RAD51B: variants seen among roughly 807,000 people sequenced by gnomAD.
RAD51B encodes the protein RAD51 paralog B.
Under a neutral mutation model 42.2 loss-of-function variants are expected in RAD51B, and 38 were observed. That is an observed-to-expected ratio of 0.90 (90% CI 0.70 to 1.18). The LOEUF (loss-of-function observed/expected upper bound fraction) is 1.18, where lower values mean the gene tolerates loss of function less well. Ranked by LOEUF, RAD51B falls within the 50% of genes most tolerant of loss-of-function variation. The probability of loss-of-function intolerance (pLI) is 0.00; values close to 1 mark genes in which losing one functional copy is unlikely to be tolerated. For missense variants in RAD51B, 373 were observed against 400.7 expected (o/e 0.93, Z 0.59); for synonymous variants, 154 against 145.2 (o/e 1.06, Z -0.43).
At chr14:68,564,760 T>G (rs1278283359) in intron 10 of RAD51B, among the ~76,000 whole-genome samples, 1 of 152,188 alleles carries the variant, frequency 6.6e-6, no homozygotes, top group Non-Finnish European at 1.5e-5. Flanking sequence ...ATGGAAAACC[T>G]TGAGAGTGAG....
At chr14:67,904,839 G>A (rs982252305) in intron 7 of RAD51B, among the ~76,000 whole-genome samples, 1 of 151,232 alleles carries the variant, frequency 6.6e-6, no homozygotes, top group African/African-American at 2.4e-5. Flanking sequence ...TACATAGTTT[G>A]CAAATATTTT....
At chr14:68,398,299 C>T (rs2083986147) in intron 8 of RAD51B, among the ~76,000 whole-genome samples, 1 of 152,234 alleles carries the variant, frequency 6.6e-6, no homozygotes, top group Non-Finnish European at 1.5e-5. Context: ...ATCAGATGCA[C>T]TTAGGCACTC....
chr14:68,322,497 GC>G (rs1174852102), intron 8 of RAD51B, among the ~76,000 whole-genome samples: 2 of 152,286 alleles, frequency 1.3e-5, no homozygotes, highest in East Asian at 3.9e-4. Context: ...TATTTAAAAA[GC>G]CTTTCTCTCA....
At chr14:68,306,549 A>G in intron 8 of RAD51B, 1 of 462,816 alleles carries the variant, frequency 2.2e-6, no homozygotes, top group Non-Finnish European at 4.3e-6. Context: ...GTCATCTGAA[A>G]TTGGTATGTG....
rs900096380 is a variant in RAD51B, at chr14:67,879,826, A to T, written c.453-6043A>T. On this transcript the variant is annotated intron_variant, in intron 5 of 10. Coordinates refer to ENST00000471583, the MANE Select transcript of RAD51B (RefSeq NM_133510.4). ...TACTGGTTATAGTTGGAAAGGGAGG[A>T]ATATTTTAATAGTCTCTTCAGATAA... Among the ~76,000 whole-genome samples, 19 of 152,280 alleles carry T rather than the reference A, an allele frequency of 1.2e-4. No homozygotes were observed. The East Asian group carries it at 3.7e-3, about 29-fold the overall frequency.
intron 7 of RAD51B, among the ~76,000 whole-genome samples, chr14:67,940,048 ATATATATTTTTTTTTTTTTTTTTTTT>A (rs2045129192): frequency 7.3e-5 from 1 of 13,768 alleles, no homozygotes; most frequent in African/African-American, 1.6e-4. Flanking sequence ...ATATATATAT[ATATATATTTTTTTTTTTTTTTTTTTT>A]TTTTTTTTTT....
rs796316732 is a variant in RAD51B, at chr14:67,922,547, AT to A, written c.756+35358del. 4.5e-3 allele frequency among the ~76,000 whole-genome samples: 648 copies of A among 143,556 alleles called. 1 individual carries two copies. The highest frequency in any genetic ancestry group is 8.4e-3 in the African/African-American group (330 of 39,394). 94.2% of individuals were successfully genotyped at this position (143,556 alleles called of 152,430 possible). On this transcript the variant is annotated intron_variant, in intron 7 of 10. Coordinates refer to ENST00000471583, the MANE Select transcript of RAD51B (RefSeq NM_133510.4). ...TGTTGTTGCAGATAGTATGTACTTAATTTTTTTTTTTTTTTAAATTTCAATA... is the reference window on the plus strand; with the variant it reads ...TGTTGTTGCAGATAGTATGTACTTAATTTTTTTTTTTTTTAAATTTCAATA...
rs2044690686 is a variant in RAD51B, at chr14:67,930,548, T to C, written c.756+43344T>C. 2.0e-5 allele frequency among the ~76,000 whole-genome samples: 3 copies of C among 152,232 alleles called. 1 individual carries two copies. In the South Asian group the frequency reaches 6.2e-4, roughly 31 times the overall value. On this transcript the variant is annotated intron_variant, in intron 7 of 10. Transcript: ENST00000471583. ...ATTCTCTCCTAGCCTGTGAGGTTTT[T>C]GCTGAGAAGTCTCCTGTTGATGTAG... is the stretch of plus-strand genomic sequence containing the variant.
chr14:68,052,821 A>G (rs2076415962), intron 7 of RAD51B, among the ~76,000 whole-genome samples: 1 of 149,370 alleles, frequency 6.7e-6, no homozygotes, highest in Non-Finnish European at 1.5e-5. Flanking sequence ...TTTTGTAGAG[A>G]CAGGTTTCAC....
At chr14:68,428,711 A>G (rs1172504831) in intron 9 of RAD51B, among the ~76,000 whole-genome samples, 15 of 620 alleles carry the variant, frequency 0.024, no homozygotes, top group African/African-American at 0.039. Context: ...TTTTCTTTAT[A>G]TATATATATA....
At chr14:68,579,689 C>T (rs1408728749) in intron 10 of RAD51B, among the ~76,000 whole-genome samples, 1 of 152,200 alleles carries the variant, frequency 6.6e-6, no homozygotes, top group Non-Finnish European at 1.5e-5. Flanking sequence ...CCGGCAGCTC[C>T]CAAATCAGCC....
intron 7 of RAD51B, among the ~76,000 whole-genome samples, chr14:68,007,619 G>A (rs914540392): frequency 6.6e-6 from 1 of 152,022 alleles, no homozygotes; most frequent in Admixed American, 6.6e-5. Context: ...ATGATGTTGA[G>A]CAGATTTTCA....
rs369091311 is a variant in RAD51B, at chr14:68,069,304, A to T, written c.756+182100A>T. 3.3e-5 allele frequency among the ~76,000 whole-genome samples: 5 copies of T among 151,984 alleles called. No homozygotes were observed. In the South Asian group the frequency reaches 6.2e-4, roughly 19 times the overall value. On this transcript the variant is annotated intron_variant, in intron 7 of 10. Coordinates refer to ENST00000471583, the MANE Select transcript of RAD51B (RefSeq NM_133510.4). Reference sequence around the variant, plus strand: ...TTCCAACTTTTATTTTAGGTTCCAGATATACATGTGCAGGTTTGTTACATG... The same window carrying T: ...TTCCAACTTTTATTTTAGGTTCCAGTTATACATGTGCAGGTTTGTTACATG...
At chr14:68,120,199 A>G (rs960999091) in intron 7 of RAD51B, among the ~76,000 whole-genome samples, 2 of 151,528 alleles carry the variant, frequency 1.3e-5, no homozygotes, top group African/African-American at 2.4e-5. Context: ...GTTTGAGTTC[A>G]TTGTAGATTC....
At chr14:68,123,948 A>G (rs1286658155) in intron 7 of RAD51B, among the ~76,000 whole-genome samples, 2 of 152,192 alleles carry the variant, frequency 1.3e-5, no homozygotes, top group Non-Finnish European at 2.9e-5. Flanking sequence ...TGGTCCTGCT[A>G]TGATTTGACT....
At chr14:68,473,486 A>G (rs1036063887) in intron 10 of RAD51B, among the ~76,000 whole-genome samples, 3 of 151,960 alleles carry the variant, frequency 2.0e-5, no homozygotes, top group African/African-American at 7.3e-5. Flanking sequence ...GTGCACATTC[A>G]CTTTACATCC....
intron 8 of RAD51B, among the ~76,000 whole-genome samples, chr14:68,318,348 C>T (rs1220440292): frequency 6.6e-6 from 1 of 152,044 alleles, no homozygotes; most frequent in Non-Finnish European, 1.5e-5. Flanking sequence ...AAAGAGTAGT[C>T]ACTGCACCTG....
At chr14:68,495,245 T>G (rs1475853997) in intron 10 of RAD51B, among the ~76,000 whole-genome samples, 1 of 152,158 alleles carries the variant, frequency 6.6e-6, no homozygotes, top group Non-Finnish European at 1.5e-5. Context: ...ATTCCAACCC[T>G]GCATCCTGCC....
intron 7 of RAD51B, among the ~76,000 whole-genome samples, chr14:68,147,196 C>G (rs148150030): frequency 1.3e-5 from 2 of 152,126 alleles, no homozygotes; most frequent in Non-Finnish European, 2.9e-5. Flanking sequence ...TATAAACCTA[C>G]GAGAAATAGT....
Sources: allele counts gnomAD v4.1 joint callset (sites outside exome capture counted in the v4.1 genomes callset), GRCh38; gene constraint gnomAD v4.1.1; transcripts MANE v1.5; gene names NCBI Gene and HGNC (gene_info 2026-07-23, HGNC 2026-07-21).